Variants in LUZP1 observed in about 807,000 individuals in gnomAD.
LUZP1 encodes the protein leucine zipper protein 1.
A neutral mutation model predicts 71.3 loss-of-function variants in LUZP1; 25 were observed. The observed-to-expected ratio is 0.35, with a 90% confidence interval of 0.26 to 0.49. The LOEUF (loss-of-function observed/expected upper bound fraction) is 0.49. Among genes scored for constraint, LUZP1 ranks in the 20% least tolerant of loss-of-function variants. The pLI, the probability that LUZP1 is intolerant of heterozygous loss-of-function variation, is 0.99. For synonymous variants in LUZP1, 481 were observed against 506.4 expected (o/e 0.95, Z 0.67); for missense variants, 1,142 against 1,300.8 (o/e 0.88, Z 1.88).
At chr1:23,110,985 AG>A (rs1359050052) in intron 2 of LUZP1, among the ~76,000 whole-genome samples, 1 of 151,938 alleles carries the variant, frequency 6.6e-6, no homozygotes, top group African/African-American at 2.4e-5. Context: ...AGATCACCTG[AG>A]GTCAGGAGTT....
exon 4 of LUZP1, chr1:23,091,732 G>A (rs1314090833): frequency 6.2e-7 from 1 of 1,614,062 alleles, no homozygotes; most frequent in African/African-American, 1.3e-5. Context: ...TGAATGGAGA[G>A]CTCAAAAGGG....
chr1:23,154,591 G>A (rs1398850744), intron 2 of LUZP1, among the ~76,000 whole-genome samples: 1 of 151,722 alleles, frequency 6.6e-6, no homozygotes, highest in African/African-American at 2.4e-5. Context: ...CGCCCAGGCT[G>A]GAGTGCAGTG....
At chr1:23,134,536 T>G (rs1644238735) in intron 2 of LUZP1, among the ~76,000 whole-genome samples, 1 of 151,934 alleles carries the variant, frequency 6.6e-6, no homozygotes, top group South Asian at 2.1e-4. Context: ...CCCAGCACTT[T>G]GGGAGATCGA....
At chr1:23,139,685 C>T (rs1644287789) in intron 2 of LUZP1, among the ~76,000 whole-genome samples, 1 of 152,164 alleles carries the variant, frequency 6.6e-6, no homozygotes, top group Admixed American at 6.5e-5. Flanking sequence ...TAGTGGTTCA[C>T]ACCTGGAATT....
chr1:23,160,263 AG>A (rs1236277615), intron 2 of LUZP1, among the ~76,000 whole-genome samples: 1 of 152,228 alleles, frequency 6.6e-6, no homozygotes, highest in Non-Finnish European at 1.5e-5. Flanking sequence ...CATCAGACAA[AG>A]CAGCTTTAAG....
At chr1:23,092,461 C>A (rs1214691647) in exon 4 of LUZP1, 1 of 1,614,180 alleles carries the variant, frequency 6.2e-7, no homozygotes. Flanking sequence ...TTCGATAGAA[C>A]AGGAGCCTTG....
intron 2 of LUZP1, among the ~76,000 whole-genome samples, chr1:23,167,898 G>A (rs890344522): frequency 2.6e-5 from 4 of 151,982 alleles, no homozygotes; most frequent in Non-Finnish European, 2.9e-5. Context: ...CTGGGCGGGG[G>A]CCGGGGGTGC....
Position 23,094,129 on chromosome 1 carries a change from G to A in LUZP1, c.133C>T (p.Leu45=), listed in dbSNP as rs767648674. Residue 45 remains leucine (L), a synonymous_variant, in exon 4 of 5, where the codon CTG becomes TTG. Transcript: ENST00000302291. This position sits in a 1 kb window ranked among gnomAD's most constrained non-coding sequence, Gnocchi z 4.7. ...TGAATCACCTTGTCCTGGAGATCCA[G>A]GAGTTCATCCTCTGCTTTCTGGAGG... The A allele has an allele frequency of 1.2e-6, 2 of 1,614,194 alleles. No homozygotes were observed. Among genetic ancestry groups the A allele is most frequent in the South Asian group, 2.2e-5 (2 of 91,082 alleles).
At chr1:23,164,065 G>C (rs1223807638) in intron 2 of LUZP1, 2 of 152,118 alleles carry the variant, frequency 1.3e-5, no homozygotes, top group African/African-American at 4.8e-5. Context: ...TAGATCTAAA[G>C]GGTTATTTTA....
At chr1:23,137,898 A>G (rs749906512) in intron 2 of LUZP1, among the ~76,000 whole-genome samples, 1 of 152,256 alleles carries the variant, frequency 6.6e-6, no homozygotes, top group Non-Finnish European at 1.5e-5. Flanking sequence ...CAAAACTTGT[A>G]GAAGTATTCA....
At chr1:23,139,029 T>A (rs868065456) in intron 2 of LUZP1, among the ~76,000 whole-genome samples, 6,164 of 97,504 alleles carry the variant, frequency 0.063, 337 homozygotes, top group African/African-American at 0.075. Context: ...AATATATATA[T>A]ATATATATAT....
At chr1:23,143,060 G>A (rs1049317952) in intron 2 of LUZP1, among the ~76,000 whole-genome samples, 3 of 151,696 alleles carry the variant, frequency 2.0e-5, no homozygotes, top group Non-Finnish European at 2.9e-5. Flanking sequence ...CCGGGGTGGA[G>A]TGCAGTGGCA....
At chr1:23,119,948 T>G (rs10799792) in intron 2 of LUZP1, among the ~76,000 whole-genome samples, 46,220 of 151,540 alleles carry the variant, frequency 0.31, 8,864 homozygotes, top group East Asian at 0.55. Context: ...TTGGTAGTTT[T>G]TTTTTTTTTT....
At chr1:23,173,446 C>T (rs1644565083) in intron 1 of LUZP1, among the ~76,000 whole-genome samples, 1 of 149,036 alleles carries the variant, frequency 6.7e-6, no homozygotes, top group Admixed American at 6.8e-5. Context: ...CTCCTCTTCC[C>T]AGGCTCGAGT....
chr1:23,149,870 G>C (rs1644370591), intron 2 of LUZP1, among the ~76,000 whole-genome samples: 1 of 149,344 alleles, frequency 6.7e-6, no homozygotes, highest in Non-Finnish European at 1.5e-5. Flanking sequence ...GCTGAGGCAG[G>C]AGAATTGCTT....
At chr1:23,088,268 T>G (rs1271851059) in exon 5 of LUZP1, 1 of 152,704 alleles carries the variant, frequency 6.5e-6, no homozygotes, top group East Asian at 1.9e-4. Context: ...ATGCTCTGCT[T>G]CCAGGAGACT....
intron 2 of LUZP1, chr1:23,133,418 C>A (rs1644229781): frequency 6.6e-6 from 1 of 152,132 alleles, no homozygotes; most frequent in Admixed American, 6.5e-5. Flanking sequence ...GTACAGATTT[C>A]TCACAAAGGG....
chr1:23,161,050 C>T (rs948936830), intron 2 of LUZP1, among the ~76,000 whole-genome samples: 4 of 152,120 alleles, frequency 2.6e-5, no homozygotes, highest in Admixed American at 6.6e-5. Flanking sequence ...AGTTAAACAG[C>T]ATAAGAGGAA....
chr1:23,164,303 G>A (rs1471879531), intron 2 of LUZP1, among the ~76,000 whole-genome samples: 1 of 152,114 alleles, frequency 6.6e-6, no homozygotes, highest in African/African-American at 2.4e-5. Flanking sequence ...AGACCATCCT[G>A]GCTAACGCGG....
Sources: allele counts gnomAD v4.1 joint callset (sites outside exome capture counted in the v4.1 genomes callset), GRCh38; gene constraint gnomAD v4.1.1; non-coding constraint Gnocchi (gnomAD v3.1); transcripts MANE v1.5; gene names NCBI Gene and HGNC (gene_info 2026-07-23, HGNC 2026-07-21).